The following STAG1 variants were observed in gnomAD, a reference collection of about 807,000 sequenced individuals.
STAG1 encodes cohesin subunit SA-1.
In STAG1, 26 loss-of-function variants were observed where a neutral mutation model predicts 170.9. That is an observed-to-expected ratio of 0.15 (90% CI 0.11 to 0.21). The LOEUF (loss-of-function observed/expected upper bound fraction) is 0.21. Ranked by LOEUF, STAG1 falls within the 10% of genes least tolerant of loss-of-function variation. The probability of loss-of-function intolerance (pLI) is 1.00; values close to 1 mark genes in which losing one functional copy is unlikely to be tolerated. For synonymous variants in STAG1, 514 were observed against 497.7 expected (o/e 1.03, Z -0.44); for missense variants, 964 against 1,509.5 (o/e 0.64, Z 5.99).
chr3:136,546,565 C>T (rs542338942), intron 5 of STAG1, among the ~76,000 whole-genome samples: 10 of 152,142 alleles, frequency 6.6e-5, no homozygotes, highest in South Asian at 2.1e-4. Context: ...TACCTTTCAT[C>T]GCATGGTATG....
At chr3:136,627,715 ACTC>A (rs1400809285) in intron 2 of STAG1, among the ~76,000 whole-genome samples, 1 of 152,156 alleles carries the variant, frequency 6.6e-6, no homozygotes, top group Non-Finnish European at 1.5e-5. Context: ...GCTCTTCAAA[ACTC>A]CTGCAAATGG....
intron 1 of STAG1, among the ~76,000 whole-genome samples, chr3:136,703,581 C>G (rs1057302804): frequency 2.6e-5 from 4 of 152,214 alleles, no homozygotes; most frequent in African/African-American, 9.7e-5. Flanking sequence ...ACTCAAGGAT[C>G]TGACAGGTCA....
chr3:136,745,404 G>A (rs949360357), intron 1 of STAG1, among the ~76,000 whole-genome samples: 1 of 152,124 alleles, frequency 6.6e-6, no homozygotes, highest in African/African-American at 2.4e-5. Context: ...CATCCCCAAC[G>A]TTTTTGGTAC....
chr3:136,609,359 A>G (rs748328085), intron 3 of STAG1: 45 of 146,756 alleles, frequency 3.1e-4, no homozygotes, highest in Non-Finnish European at 5.8e-4. Flanking sequence ...TTGTATATAT[A>G]TTTGTATATA....
At chr3:136,509,258 A>G (rs2107880890) in intron 7 of STAG1, among the ~76,000 whole-genome samples, 1 of 152,374 alleles carries the variant, frequency 6.6e-6, no homozygotes, top group African/African-American at 2.4e-5. Flanking sequence ...CAAGATAATC[A>G]GCTAAATGTG....
intron 28 of STAG1, among the ~76,000 whole-genome samples, chr3:136,353,611 G>A (rs1314134808): frequency 2.0e-5 from 3 of 152,108 alleles, no homozygotes; most frequent in Non-Finnish European, 4.4e-5. Context: ...ATCTTACATC[G>A]CTCACTGTAA....
chr3:136,502,545 T>C (rs1933541505), intron 8 of STAG1, 83 bp downstream of exon 8: 3 of 1,422,584 alleles, frequency 2.1e-6, no homozygotes, highest in Non-Finnish European at 2.8e-6. Context: ...TAAACCTTTT[T>C]ACAGGGAACT....
rs895935239 is a variant in STAG1, at chr3:136,500,858, T to C, written c.829-562A>G. Among the ~76,000 whole-genome samples the C allele has an allele frequency of 7.2e-5, 11 of 152,324 alleles. No individual in the cohort carries two copies. The South Asian group carries it at 2.3e-3, about 32-fold the overall frequency. ...AAATAAATAGTATCTATGGCAAAGA[T>C]ACAAATTTCAGGCAACAAAACTGAT... On this transcript the variant is annotated intron_variant, in intron 8 of 33. Transcript: ENST00000383202.
chr3:136,397,508 G>A (rs1322329465), intron 22 of STAG1, among the ~76,000 whole-genome samples: 2 of 151,694 alleles, frequency 1.3e-5, no homozygotes, highest in Admixed American at 6.6e-5. Context: ...CTATGCAAAA[G>A]CTAAGTCATA....
intron 1 of STAG1, among the ~76,000 whole-genome samples, chr3:136,696,178 G>C (rs1340296770): frequency 6.6e-6 from 1 of 152,196 alleles, no homozygotes; most frequent in Non-Finnish European, 1.5e-5. Context: ...TAACTGGTAA[G>C]TGACAGCAGT....
chr3:136,407,981 T>C (rs1360329899), intron 21 of STAG1, among the ~76,000 whole-genome samples: 1 of 152,104 alleles, frequency 6.6e-6, no homozygotes, highest in Admixed American at 6.6e-5. Context: ...TTTCTTCCTC[T>C]AGTTTTCCAC....
chr3:136,524,543 AG>A (rs752308340), intron 6 of STAG1, among the ~76,000 whole-genome samples: 3 of 152,228 alleles, frequency 2.0e-5, no homozygotes, highest in Non-Finnish European at 4.4e-5. Flanking sequence ...ATCTGCAAAC[AG>A]GGACAATTTG....
intron 1 of STAG1, among the ~76,000 whole-genome samples, chr3:136,678,637 G>C (rs1039287890): frequency 1.3e-5 from 2 of 151,550 alleles, no homozygotes; most frequent in African/African-American, 4.8e-5. Context: ...CTAGGGAAAA[G>C]TAAAAATATT....
chr3:136,470,493 T>C (rs9809373), intron 12 of STAG1, among the ~76,000 whole-genome samples: 113,084 of 152,078 alleles, frequency 0.74, 42,065 homozygotes, highest in East Asian at 0.86. Flanking sequence ...ACAACAGATG[T>C]TGGAGAGGAT....
intron 3 of STAG1, among the ~76,000 whole-genome samples, chr3:136,614,456 A>G (rs1306787193): frequency 1.3e-5 from 2 of 152,184 alleles, no homozygotes; most frequent in African/African-American, 4.8e-5. Context: ...TATGTATAGG[A>G]AAGCAAACCT....
At chr3:136,647,371 A>G (rs955780996) in intron 1 of STAG1, among the ~76,000 whole-genome samples, 1 of 152,154 alleles carries the variant, frequency 6.6e-6, no homozygotes. Flanking sequence ...GGAGTTTGAG[A>G]CCAGCCTGAC....
intron 9 of STAG1, among the ~76,000 whole-genome samples, chr3:136,479,167 G>A (rs1235987587): frequency 4.1e-5 from 6 of 145,844 alleles, no homozygotes; most frequent in African/African-American, 7.6e-5. Context: ...ATGCTGGTGC[G>A]CTGCACCCAC....
chr3:136,506,110 A>C (rs1277006333), intron 7 of STAG1, among the ~76,000 whole-genome samples: 1 of 152,208 alleles, frequency 6.6e-6, no homozygotes, highest in Non-Finnish European at 1.5e-5. Context: ...AGTGATGTGA[A>C]ACAGTCTGAA....
intron 1 of STAG1, among the ~76,000 whole-genome samples, chr3:136,750,880 A>G (rs1935191276): frequency 6.6e-6 from 1 of 152,258 alleles, no homozygotes; most frequent in Non-Finnish European, 1.5e-5. Flanking sequence ...GGTACGTTAC[A>G]TTACCATACA....
Sources: allele counts gnomAD v4.1 joint callset (sites outside exome capture counted in the v4.1 genomes callset), GRCh38; gene constraint gnomAD v4.1.1; transcripts MANE v1.5; gene names NCBI Gene and HGNC (gene_info 2026-07-23, HGNC 2026-07-21).